DENND1A: variants seen among roughly 807,000 people sequenced by gnomAD.
DENND1A encodes DENN domain containing 1A, also known as DENN domain-containing protein 1A.
A neutral mutation model predicts 113.7 loss-of-function variants in DENND1A; 51 were observed. The ratio of observed to expected loss-of-function variants is 0.45; its 90% CI spans 0.36 to 0.57. The LOEUF (loss-of-function observed/expected upper bound fraction) is 0.57. DENND1A is among the 20% of genes least tolerant of loss of function. DENND1A has a pLI of 0.00. For missense variants in DENND1A, 1,258 were observed against 1,395.9 expected (o/e 0.90, Z 1.57); for synonymous variants, 565 against 570.8 (o/e 0.99, Z 0.14).
chr9:123,386,161 T>C (rs1564399960), intron 22 of DENND1A, among the ~76,000 whole-genome samples: 1 of 152,182 alleles, frequency 6.6e-6, no homozygotes. Context: ...AATTGACACA[T>C]AGATGAACAT....
intron 11 of DENND1A, among the ~76,000 whole-genome samples, chr9:123,603,280 G>GA (rs201080438): frequency 2.0e-5 from 3 of 151,868 alleles, no homozygotes; most frequent in Admixed American, 6.6e-5. Context: ...AAATGCAAAG[G>GA]AAAAAAAATC....
At position 123,387,718 on chromosome 9, in the gene DENND1A, G is replaced by T. The variant is rs771643980; in HGVS notation, c.1760+12C>A. On this transcript the variant is annotated intron_variant, in intron 22 of 23. Coordinates refer to ENST00000394215, the MANE Select transcript of DENND1A (RefSeq NM_001352964.2). ...AGCCGAGCTCAGGGAAATGGAAGAA[G>T]GAAGGAGAGACCATTCAAAGGGAGC... 9.3e-6 allele frequency: 12 copies of T among 1,289,548 alleles called. No homozygotes were observed. Among genetic ancestry groups the T allele is most frequent in the Non-Finnish European group, 5.1e-6 (5 of 988,768 alleles). The allele number at this position is 1,289,548 out of a possible 1,614,324, so 79.9% of individuals were successfully genotyped here.
chr9:123,647,656 C>T (rs938174427), intron 9 of DENND1A, among the ~76,000 whole-genome samples: 1 of 152,162 alleles, frequency 6.6e-6, no homozygotes, highest in East Asian at 1.9e-4. Flanking sequence ...TTAATGAAAT[C>T]ATACTGAACA....
At chr9:123,414,509 G>C (rs964992536) in intron 19 of DENND1A, 10 of 1,545,558 alleles carry the variant, frequency 6.5e-6, no homozygotes, top group Non-Finnish European at 7.9e-6. Flanking sequence ...ATTGTGTGAA[G>C]GGAAAAAAGG....
intron 1 of DENND1A, among the ~76,000 whole-genome samples, chr9:123,927,443 T>A (rs190011676): frequency 6.6e-6 from 1 of 152,320 alleles, no homozygotes; most frequent in Admixed American, 6.5e-5. Flanking sequence ...ATGTTCTTAG[T>A]CTTTTGATAC....
chr9:123,442,317 C>T (rs2046988455), intron 18 of DENND1A, among the ~76,000 whole-genome samples: 1 of 152,142 alleles, frequency 6.6e-6, no homozygotes, highest in Admixed American at 6.5e-5. Context: ...ATCAACCAGT[C>T]TCAGCCAGGC....
intron 5 of DENND1A, among the ~76,000 whole-genome samples, chr9:123,748,095 G>A (rs2069674390): frequency 6.6e-6 from 1 of 152,172 alleles, no homozygotes; most frequent in Admixed American, 6.5e-5. Flanking sequence ...ATTACTAAGA[G>A]CTTCTTTCCT....
At chr9:123,900,600 C>G (rs589812) in intron 1 of DENND1A, among the ~76,000 whole-genome samples, 44,171 of 152,060 alleles carry the variant, frequency 0.29, 10,284 homozygotes, top group African/African-American at 0.65. Flanking sequence ...GGGGTGCTAT[C>G]AATGAGGCTG....
intron 5 of DENND1A, among the ~76,000 whole-genome samples, chr9:123,726,410 C>T (rs1279195159): frequency 1.3e-5 from 2 of 152,202 alleles, no homozygotes; most frequent in Non-Finnish European, 2.9e-5. Context: ...CTCCATGCTG[C>T]CTCTCCCTAT....
At chr9:123,531,032 T>C (rs1446859349) in intron 13 of DENND1A, among the ~76,000 whole-genome samples, 3 of 152,200 alleles carry the variant, frequency 2.0e-5, no homozygotes, top group African/African-American at 7.2e-5. Flanking sequence ...ATCAAAGTCT[T>C]TGTATTGTTA....
At chr9:123,636,430 C>A (rs1488422627) in intron 9 of DENND1A, among the ~76,000 whole-genome samples, 1 of 152,090 alleles carries the variant, frequency 6.6e-6, no homozygotes, top group Non-Finnish European at 1.5e-5. Flanking sequence ...GATTCTCCTG[C>A]CTCAGCCTCC....
chr9:123,873,747 CTTT>C (rs1015503303), intron 2 of DENND1A, among the ~76,000 whole-genome samples: 1 of 145,582 alleles, frequency 6.9e-6, no homozygotes. Context: ...ATCTATCTCT[CTTT>C]TTTTTTTTTT....
intron 12 of DENND1A, among the ~76,000 whole-genome samples, chr9:123,564,079 C>T (rs1029659200): frequency 2.0e-5 from 3 of 152,182 alleles, no homozygotes; most frequent in Non-Finnish European, 2.9e-5. Context: ...TTAGCCCCTA[C>T]AAATCGGCTA....
chr9:123,927,239 C>A (rs1857278881), intron 1 of DENND1A, among the ~76,000 whole-genome samples: 1 of 152,188 alleles, frequency 6.6e-6, no homozygotes, highest in African/African-American at 2.4e-5. Context: ...AACTCACGTG[C>A]TTTACCACTG....
chr9:123,874,633 T>C (rs1428598860), intron 2 of DENND1A, among the ~76,000 whole-genome samples: 3 of 151,988 alleles, frequency 2.0e-5, no homozygotes, highest in Non-Finnish European at 2.9e-5. Context: ...CTCTAACTAA[T>C]AAACAAACAA....
intron 10 of DENND1A, among the ~76,000 whole-genome samples, chr9:123,622,534 G>C (rs1440046736): frequency 1.3e-5 from 2 of 152,106 alleles, no homozygotes; most frequent in Non-Finnish European, 2.9e-5. Context: ...TCATCAAGAA[G>C]CTGACATGAA....
rs2209803 is a variant in DENND1A at position 123,764,591 on chromosome 9, G to A, written c.182+4923C>T. On this transcript the variant is annotated intron_variant, in intron 4 of 23. Coordinates refer to ENST00000394215, the MANE Select transcript of DENND1A (RefSeq NM_001352964.2). The surrounding 1 kb of genome is among the most constrained non-coding windows in gnomAD (Gnocchi z 4.1). ...GGACCAACAGTAAGTGACACACTTC[G>A]AGACAGAACGCAATGCCTACCTGCT... 0.12 allele frequency among the ~76,000 whole-genome samples: 18,043 copies of A among 152,174 alleles called. 1,421 individuals carry two copies. Among genetic ancestry groups the A allele is most frequent in the African/African-American group, 0.22 (9,092 of 41,488 alleles).
intron 13 of DENND1A, among the ~76,000 whole-genome samples, chr9:123,522,951 G>C (rs574182371): frequency 6.6e-5 from 10 of 152,324 alleles, no homozygotes; most frequent in African/African-American, 2.2e-4. Flanking sequence ...TATGTGCTAG[G>C]AATACAGACG....
At chr9:123,901,769 C>G (rs1369452743) in intron 1 of DENND1A, among the ~76,000 whole-genome samples, 1 of 152,138 alleles carries the variant, frequency 6.6e-6, no homozygotes, top group Non-Finnish European at 1.5e-5. Context: ...CTGTGGGAGG[C>G]TGAGGCGGGT....
Sources: gnomAD v4.1 joint callset for allele counts (sites outside exome capture counted in the v4.1 genomes callset) on GRCh38, gnomAD v4.1.1 for gene constraint, Gnocchi (gnomAD v3.1) non-coding constraint, MANE v1.5 for transcripts, NCBI Gene and HGNC (gene_info 2026-07-23, HGNC 2026-07-21) for gene names.